ATP11C: variants seen among roughly 807,000 people sequenced by gnomAD.
ATP11C encodes ATPase phospholipid transporting 11C (ATP11C blood group).
Under a neutral mutation model 97.4 loss-of-function variants are expected in ATP11C, and 36 were observed. The observed-to-expected ratio is 0.37, with a 90% CI of 0.28 to 0.49. The LOEUF is 0.49. ATP11C is among the 20% of genes least tolerant of loss of function. ATP11C has a pLI of 0.98. For missense variants in ATP11C, 730 were observed against 824.6 expected (o/e 0.89, Z 1.40); for synonymous variants, 275 against 290.9 (o/e 0.95, Z 0.56).
At chrX:139,804,340 C>A in intron 6 of ATP11C, 131 bp downstream of exon 6, 1 of 483,511 alleles carries the variant, frequency 2.1e-6, no homozygotes, top group Non-Finnish European at 3.2e-6. Context: ...TACATAACAG[C>A]TCTTTTCAAA....
At chrX:139,930,618 C>T (rs1361778406) in intron 1 of ATP11C, among the ~76,000 whole-genome samples, 1 of 111,852 alleles carries the variant, frequency 8.9e-6, no homozygotes. Flanking sequence ...CAATTTTAGT[C>T]ACTTGCTTCA....
At chrX:139,781,061 T>C (rs1422140542) in intron 18 of ATP11C, among the ~76,000 whole-genome samples, 1 of 110,868 alleles carries the variant, frequency 9.0e-6, no homozygotes, top group Non-Finnish European at 1.9e-5. Flanking sequence ...GCACATGTAC[T>C]ACCTGAATGT....
At chrX:139,743,655 T>C in intron 25 of ATP11C, 31 bp from the exon 26 acceptor site, 3 of 892,308 alleles carry the variant, frequency 3.4e-6, no homozygotes, top group Non-Finnish European at 4.7e-6. Context: ...ACATGTACCA[T>C]GTATATACAA....
chrX:139,886,011 A>G (rs1217593866), intron 1 of ATP11C, among the ~76,000 whole-genome samples: 1 of 111,638 alleles, frequency 9.0e-6, no homozygotes, highest in Non-Finnish European at 1.9e-5. Context: ...TCAACATCAT[A>G]TAAGATAGAA....
intron 27 of ATP11C, among the ~76,000 whole-genome samples, chrX:139,738,947 T>C (rs2081500596): frequency 9.0e-6 from 1 of 111,714 alleles, no homozygotes; most frequent in Non-Finnish European, 1.9e-5. Context: ...TTCCTGAAGA[T>C]AATTTGGTTT....
In ATP11C at chrX:139,877,917, G is replaced by GA. The variant is rs765527452; in HGVS notation, c.28-51095dup. Among the ~76,000 whole-genome samples, 399 of 111,378 alleles carry GA rather than the reference G, an allele frequency of 3.6e-3. 2 individuals carry two copies. Among genetic ancestry groups the GA allele is most frequent in the Non-Finnish European group, 6.3e-3 (332 of 53,101 alleles). On this transcript the variant is annotated intron_variant, in intron 1 of 29. Transcript: ENST00000682941. ...ACGTGCCTGTAATCCCAGCTACTTG[G>GA]AAGGCTGAGGCAGGAGAATCGCTTG...
At position 139,783,185 on chromosome X, in the gene ATP11C, G is replaced by T; in HGVS notation, c.1749C>A (p.Val583=). The part of the protein sequence containing the change: ...VQNHEIELTK[V]HVERNAMDGY... ...TCACCATTGCATTACGTTCCACATG[G>T]ACTTTAGTTAACTCAATTTCATGAT... The change falls in exon 17 of 30, where the codon GTC becomes GTA. Residue 583 remains valine, a synonymous_variant. Transcript: ENST00000682941. 2 of 1,204,755 alleles carry T rather than the reference G, an allele frequency of 1.7e-6. No homozygotes were observed. The highest frequency in any genetic ancestry group is 2.2e-6 in the Non-Finnish European group (2 of 890,119).
chrX:139,891,587 T>A (rs2084731728), intron 1 of ATP11C, among the ~76,000 whole-genome samples: 1 of 111,401 alleles, frequency 9.0e-6, no homozygotes, highest in East Asian at 2.8e-4. Flanking sequence ...TCTCTCTCAC[T>A]CACACACACA....
In ATP11C at chrX:139,774,858, G is replaced by A; in HGVS notation, c.2048C>T (p.Ser683Phe). Reference sequence around the variant, plus strand: ...GAAAAGGCGGCAGGCATAGCATGTGGATTTAGCTGTCTCCATCTTGTCCCC... The same window carrying A: ...GAAAAGGCGGCAGGCATAGCATGTGAATTTAGCTGTCTCCATCTTGTCCCC... ...LTGDKMETAK[S>F]TCYACRLFQT... The change falls in exon 19 of 30, where the codon TCC becomes TTC. Residue 683 changes from serine (S) to phenylalanine (F), a missense_variant. Coordinates refer to ENST00000682941, the MANE Select transcript of ATP11C (RefSeq NM_001353812.2). The A allele has an allele frequency of 7.4e-6, 9 of 1,211,680 alleles. No individual in the cohort carries two copies. The highest frequency in any genetic ancestry group is 1.0e-5 in the Non-Finnish European group (9 of 895,496).
intron 1 of ATP11C, among the ~76,000 whole-genome samples, chrX:139,855,456 A>G (rs1466391025): frequency 9.0e-6 from 1 of 111,145 alleles, no homozygotes; most frequent in Non-Finnish European, 1.9e-5. Flanking sequence ...GAAGGACCCT[A>G]CCTTGTGCTG....
intron 5 of ATP11C, 136 bp downstream of exon 5, chrX:139,814,742 C>T (rs1181890117): frequency 1.3e-5 from 5 of 383,529 alleles, no homozygotes; most frequent in East Asian, 9.6e-5. Context: ...GTTTCCTTTT[C>T]GGGTGATGAA....
At chrX:139,816,813 C>A in intron 4 of ATP11C, 50 bp downstream of exon 4, 1 of 882,961 alleles carries the variant, frequency 1.1e-6, no homozygotes, top group South Asian at 2.1e-5. Context: ...CAATGAAATT[C>A]CAACAAGCCT....
In ATP11C at chrX:139,807,207, G is replaced by A. The variant is rs2083062840; in HGVS notation, c.427-2608C>T. ...GAGAAAAGGCAAGGGAACGTGGGGC[G>A]GGGAGGGGCAACCTCTGGGACTCGG... is the stretch of plus-strand genomic sequence containing the variant. On this transcript the variant is annotated intron_variant, in intron 5 of 29. Coordinates refer to ENST00000682941, the MANE Select transcript of ATP11C (RefSeq NM_001353812.2). Among the ~76,000 whole-genome samples the A allele has an allele frequency of 5.4e-5, 6 of 111,074 alleles. No individual in the cohort carries two copies. The South Asian group carries it at 1.6e-3, about 29-fold the overall frequency.
chrX:139,746,710 A>G (rs2148642051), intron 24 of ATP11C, among the ~76,000 whole-genome samples: 1 of 111,899 alleles, frequency 8.9e-6, no homozygotes, highest in Non-Finnish European at 1.9e-5. Context: ...TAAATCTGTC[A>G]AAAATAGCAC....
intron 6 of ATP11C, among the ~76,000 whole-genome samples, chrX:139,804,037 A>T (rs1338211464): frequency 9.0e-6 from 1 of 110,911 alleles, no homozygotes; most frequent in Non-Finnish European, 1.9e-5. Flanking sequence ...AAATTACTCC[A>T]GGTTGGGTTT....
chrX:139,869,098 A>G (rs1429673182), intron 1 of ATP11C, among the ~76,000 whole-genome samples: 1 of 112,476 alleles, frequency 8.9e-6, no homozygotes, highest in Non-Finnish European at 1.9e-5. Context: ...TTACCATACA[A>G]TCCAGCAATC....
chrX:139,774,018 T>C (rs780951237), intron 19 of ATP11C, among the ~76,000 whole-genome samples: 4 of 112,625 alleles, frequency 3.6e-5, no homozygotes, highest in African/African-American at 1.3e-4. Context: ...ACACATCCAG[T>C]GGCATTTCAA....
intron 1 of ATP11C, among the ~76,000 whole-genome samples, chrX:139,854,500 G>C (rs2084058042): frequency 9.0e-6 from 1 of 111,379 alleles, no homozygotes; most frequent in Non-Finnish European, 1.9e-5. Flanking sequence ...ATGTTATATG[G>C]TAAATTCTTG....
chrX:139,740,403 A>G (rs1342733279), intron 27 of ATP11C, among the ~76,000 whole-genome samples: 1 of 111,555 alleles, frequency 9.0e-6, no homozygotes, highest in African/African-American at 3.3e-5. Context: ...ACAAACATCT[A>G]TCTACTGAAC....
Sources: gnomAD v4.1 joint callset for allele counts (sites outside exome capture counted in the v4.1 genomes callset) on GRCh38, gnomAD v4.1.1 for gene constraint, MANE v1.5 for transcripts, NCBI Gene and HGNC (gene_info 2026-07-23, HGNC 2026-07-21) for gene names.